Variants in SLC1A1 observed in about 807,000 individuals in gnomAD.
SLC1A1 encodes excitatory amino acid transporter 3.
Under a neutral mutation model 53.3 loss-of-function variants are expected in SLC1A1, and 43 were observed. The observed-to-expected ratio is 0.81, with a 90% CI of 0.63 to 1.04. The LOEUF (loss-of-function observed/expected upper bound fraction) is 1.04, where lower values mean the gene tolerates loss of function less well. Ranked by LOEUF, SLC1A1 falls within the 50% of genes least tolerant of loss-of-function variation. The pLI is 0.00. For synonymous variants in SLC1A1, 307 were observed against 243.2 expected (o/e 1.26, Z -2.44); for missense variants, 748 against 664.9 (o/e 1.12, Z -1.37).
chr9:4,503,513 A>C (rs562638438), intron 1 of SLC1A1, among the ~76,000 whole-genome samples: 1 of 151,794 alleles, frequency 6.6e-6, no homozygotes, highest in Non-Finnish European at 1.5e-5. Flanking sequence ...GCCTTCAAAG[A>C]AGGTGCAACT....
chr9:4,549,812 C>G lies in SLC1A1; in HGVS notation c.232+5105C>G, dbSNP rs1211905022. On this transcript the variant is annotated intron_variant, in intron 2 of 11. Coordinates refer to ENST00000262352, the MANE Select transcript of SLC1A1 (RefSeq NM_004170.6). This position sits in a 1 kb window ranked among gnomAD's most constrained non-coding sequence, Gnocchi z 4.1. ...GTACCTGCTGGGTTATTGCAACCAC[C>G]CTGCTTGTAGAACCTGGGAGTCTGT... 6.6e-6 allele frequency among the ~76,000 whole-genome samples: 1 copy of G among 152,158 alleles called. No individual in the cohort carries two copies. Among genetic ancestry groups the G allele is most frequent in the Admixed American group, 6.5e-5 (1 of 15,284 alleles).
intron 10 of SLC1A1, among the ~76,000 whole-genome samples, chr9:4,581,264 A>C (rs1199625801): frequency 6.6e-6 from 1 of 152,232 alleles, no homozygotes; most frequent in Non-Finnish European, 1.5e-5. Context: ...CGGTCCTAAA[A>C]CTAGGACCTC....
In SLC1A1 at chr9:4,585,912, TAAAAAAAA is replaced by T; in HGVS notation, c.*355_*362del. On this transcript the variant is annotated 3_prime_UTR_variant, in exon 12 of 12. Transcript: ENST00000262352. ...TGCATAGACAAGTGTTTTGGGTTTTTAAAAAAAATATTCTGTCATTGGTTACAAATTTT... is the reference window on the plus strand; with the variant it reads ...TGCATAGACAAGTGTTTTGGGTTTTTTATTCTGTCATTGGTTACAAATTTT... 2 of 202,236 alleles carry T rather than the reference TAAAAAAAA, an allele frequency of 9.9e-6. No individual in the cohort carries two copies. The highest frequency in any genetic ancestry group is 1.3e-4 in the East Asian group (1 of 7,810). The allele number at this position is 202,236 out of a possible 1,614,324, so 12.5% of individuals were successfully genotyped here.
chr9:4,490,880 T>G (rs12002726), intron 1 of SLC1A1, 110 bp downstream of exon 1: 2 of 880,442 alleles, frequency 2.3e-6, no homozygotes, highest in African/African-American at 1.7e-5. Context: ...GCAGGGTCCC[T>G]CGATGCCCCC....
chr9:4,494,963 C>T (rs536678088), intron 1 of SLC1A1, among the ~76,000 whole-genome samples: 2 of 152,318 alleles, frequency 1.3e-5, no homozygotes, highest in Admixed American at 6.5e-5. Context: ...CATGACAGAG[C>T]TGGCAAGCTT....
At chr9:4,558,279 G>A (rs1424475699) in intron 2 of SLC1A1, among the ~76,000 whole-genome samples, 2 of 152,180 alleles carry the variant, frequency 1.3e-5, no homozygotes. Flanking sequence ...GGACTTGGGG[G>A]CCAGCTCTGC....
chr9:4,551,427 T>G (rs982666112), intron 2 of SLC1A1, among the ~76,000 whole-genome samples: 4 of 152,218 alleles, frequency 2.6e-5, no homozygotes, highest in Non-Finnish European at 5.9e-5. Context: ...CACATGGTCA[T>G]GGAGCTGAGG....
intron 1 of SLC1A1, among the ~76,000 whole-genome samples, chr9:4,534,396 C>G (rs572982219): frequency 3.0e-4 from 45 of 152,280 alleles, no homozygotes; most frequent in Middle Eastern, 3.4e-3. Context: ...ACTGATCCCA[C>G]AGAAATACAG....
intron 1 of SLC1A1, among the ~76,000 whole-genome samples, chr9:4,506,309 A>T (rs1401790194): frequency 2.0e-5 from 3 of 152,228 alleles, no homozygotes; most frequent in Non-Finnish European, 4.4e-5. Flanking sequence ...TTGCATTTTA[A>T]AGTACATTTG....
intron 1 of SLC1A1, among the ~76,000 whole-genome samples, chr9:4,544,053 A>G (rs1320792761): frequency 6.6e-6 from 1 of 152,028 alleles, no homozygotes; most frequent in South Asian, 2.1e-4. Flanking sequence ...TGGTGCGCAT[A>G]TAGTCCTAGC....
chr9:4,521,118 G>C (rs1816054788), intron 1 of SLC1A1, among the ~76,000 whole-genome samples: 1 of 152,028 alleles, frequency 6.6e-6, no homozygotes. Flanking sequence ...TTAACAATTT[G>C]GTTGTCTTTT....
intron 1 of SLC1A1, among the ~76,000 whole-genome samples, chr9:4,502,389 G>GA (rs775499017): frequency 0.19 from 10,900 of 56,226 alleles, 2,310 homozygotes; most frequent in Admixed American, 0.31. Flanking sequence ...CCTGTCTCCA[G>GA]AAAAAAAAAA....
chr9:4,550,193 A>C (rs1251693227), intron 2 of SLC1A1, among the ~76,000 whole-genome samples: 1 of 152,180 alleles, frequency 6.6e-6, no homozygotes. Flanking sequence ...TTCAGTTTCC[A>C]CCAGACACTG....
At chr9:4,563,767 G>A (rs1040658472) in intron 3 of SLC1A1, among the ~76,000 whole-genome samples, 1 of 152,136 alleles carries the variant, frequency 6.6e-6, no homozygotes, top group African/African-American at 2.4e-5. Context: ...ACAGAGAGAT[G>A]AACCTTCTCT....
intron 5 of SLC1A1, among the ~76,000 whole-genome samples, chr9:4,566,905 C>T (rs1412197589): frequency 1.3e-5 from 2 of 152,142 alleles, no homozygotes; most frequent in Non-Finnish European, 2.9e-5. Flanking sequence ...TACATGAACA[C>T]AGACTTCTGT....
At chr9:4,532,676 A>G (rs552076219) in intron 1 of SLC1A1, among the ~76,000 whole-genome samples, 2 of 152,340 alleles carry the variant, frequency 1.3e-5, no homozygotes, top group South Asian at 4.1e-4. Context: ...CAACCCAGCA[A>G]GTCAGGCCAA....
At chr9:4,560,278 C>T (rs990652876) in intron 2 of SLC1A1, among the ~76,000 whole-genome samples, 5 of 152,080 alleles carry the variant, frequency 3.3e-5, no homozygotes, top group South Asian at 2.1e-4. Context: ...AATGTGGCCC[C>T]GGGACCATTT....
chr9:4,518,234 C>CAAAA (rs34559140), intron 1 of SLC1A1, among the ~76,000 whole-genome samples: 81 of 60,422 alleles, frequency 1.3e-3, no homozygotes, highest in Non-Finnish European at 1.5e-3. Flanking sequence ...TATTCCACCT[C>CAAAA]AAAAAAAAAA....
intron 1 of SLC1A1, among the ~76,000 whole-genome samples, chr9:4,504,193 A>G (rs1041177473): frequency 6.6e-6 from 1 of 152,222 alleles, no homozygotes; most frequent in African/African-American, 2.4e-5. Flanking sequence ...TGGAAGATCC[A>G]TCTCTTTTTC....
Sources: allele counts gnomAD v4.1 joint callset (sites outside exome capture counted in the v4.1 genomes callset), GRCh38; gene constraint gnomAD v4.1.1; non-coding constraint Gnocchi (gnomAD v3.1); transcripts MANE v1.5; gene names NCBI Gene and HGNC (gene_info 2026-07-23, HGNC 2026-07-21).